PSD4: variants seen among roughly 807,000 people sequenced by gnomAD.
PSD4 encodes pleckstrin and Sec7 domain containing 4, also known as PH and SEC7 domain-containing protein 4.
A neutral mutation model predicts 112.5 loss-of-function variants in PSD4; 59 were observed. The ratio of observed to expected loss-of-function variants is 0.52; its 90% confidence interval spans 0.43 to 0.65. The LOEUF is 0.65. Ranked by LOEUF, PSD4 falls within the 30% of genes least tolerant of loss-of-function variation. The pLI is 0.00. For missense variants in PSD4, 1,267 were observed against 1,352.6 expected (o/e 0.94, Z 0.99); for synonymous variants, 533 against 540.0 (o/e 0.99, Z 0.18).
intron 12 of PSD4, chr2:113,197,097 G>C (rs1189835709): frequency 4.5e-6 from 1 of 220,520 alleles, no homozygotes; most frequent in African/African-American, 2.3e-5. Flanking sequence ...GGGGAAAAGA[G>C]GGCAGGTGGT....
rs565096940 is a variant in PSD4 at position 113,196,062 on chromosome 2, G to A, written c.2226-85G>A. 1.9e-4 allele frequency: 285 copies of A among 1,494,260 alleles called. 1 individual carries two copies. The South Asian group carries it at 3.4e-3, about 18-fold the overall frequency. The allele number at this position is 1,494,260 out of a possible 1,614,324, so 92.6% of individuals were successfully genotyped here. A position where few individuals can be genotyped will look rare whatever the true frequency, so the allele number is the denominator to read the frequency against. On this transcript the variant is annotated intron_variant, in intron 11 of 16. Coordinates refer to ENST00000245796, the MANE Select transcript of PSD4 (RefSeq NM_012455.3). ...GGGTGTGGCTTCCCAGGAAAAGAGAGGTTGCTAAGGCTCTGGGAGGCAATG... is the reference window on the plus strand; with the variant it reads ...GGGTGTGGCTTCCCAGGAAAAGAGAAGTTGCTAAGGCTCTGGGAGGCAATG...
Position 113,182,898 on chromosome 2 carries a change from C to G in PSD4, c.442C>G (p.Arg148Gly), listed in dbSNP as rs760622330. 5 of 1,614,088 alleles carry G rather than the reference C, an allele frequency of 3.1e-6. No homozygotes were observed. The highest frequency in any genetic ancestry group is 2.2e-5 in the East Asian group (1 of 44,884). The change falls in exon 2 of 17, where the codon CGG becomes GGG. Residue 148 changes from arginine to glycine, a missense_variant. By Grantham distance (125) the Arg-to-Gly change is moderately radical. Coordinates refer to ENST00000245796, the MANE Select transcript of PSD4 (RefSeq NM_012455.3). The part of the protein sequence containing the change: ...SHLPGSPKQN[R>G]STSTQVVFWA... ...TCTACCGGGGAGCCCAAAGCAGAAC[C>G]GGAGCACGTCCACACAGGTAGTGTT...
rs779250912 is a variant in PSD4 at position 113,185,398 on chromosome 2, G to T, written c.1207G>T (p.Gly403Cys). 11 of 1,614,176 alleles carry T rather than the reference G, an allele frequency of 6.8e-6. No individual in the cohort carries two copies. The highest frequency in any genetic ancestry group is 9.3e-6 in the Non-Finnish European group (11 of 1,180,042). ...SLSPEGWQRG[G>C]PFWPQVTLNS... The stretch of plus-strand genomic sequence containing the variant: ...CAGCCCTGAGGGCTGGCAGAGAGGA[G>T]GTCCTTTTTGGCCCCAGGTGACTCT... The change falls in exon 4 of 17, where the codon GGT becomes TGT. Residue 403 changes from glycine to cysteine, a missense_variant. By Grantham distance (159) the Gly-to-Cys change is radical (BLOSUM62 -3). This residue lies in a region of PSD4 where 723 missense variants were observed against 704.0 expected (regional missense o/e 1.03). Transcript: ENST00000245796.
At chr2:113,192,353 C>G in intron 5 of PSD4, 27 bp from the exon 6 acceptor site, 2 of 1,607,472 alleles carry the variant, frequency 1.2e-6, no homozygotes, top group Non-Finnish European at 1.7e-6. Context: ...AACACTTGAC[C>G]CAGAGCTCCT....
rs1688870809 is a variant in PSD4, at chr2:113,206,940, T to A, written c.*5525T>A. On this transcript the variant is annotated 3_prime_UTR_variant, in exon 17 of 17. Coordinates refer to ENST00000245796, the MANE Select transcript of PSD4 (RefSeq NM_012455.3). ...AATAGCTGAATAATCTGTATCCAGG[T>A]CAGGTGAGGCTTCATCTCGGGCTTC... 6.6e-6 allele frequency: 1 copy of A among 152,150 alleles called. No homozygotes were observed. The highest frequency in any genetic ancestry group is 1.5e-5 in the Non-Finnish European group (1 of 68,028). The allele number at this position is 152,150 out of a possible 1,614,324, so 9.4% of individuals were successfully genotyped here. A position where few individuals can be genotyped will look rare whatever the true frequency, so the allele number is the denominator to read the frequency against.
chr2:113,182,793 C>G lies in PSD4; in HGVS notation c.337C>G (p.Leu113Val), dbSNP rs767622315. The change falls in exon 2 of 17, where the codon CTC (leucine) becomes GTC (valine). Residue 113 changes from leucine to valine, a missense_variant. By Grantham distance (32) the Leu-to-Val change is conservative. Coordinates refer to ENST00000245796, the MANE Select transcript of PSD4 (RefSeq NM_012455.3). ...DAPPWGSGVELTHLGSPSAQR... is the reference protein window; with the variant it reads ...DAPPWGSGVEVTHLGSPSAQR... ...TCCTCCCTGGGGCTCCGGTGTGGAG[C>G]TCACACACCTGGGGAGCCCCTCTGC... The G allele has an allele frequency of 1.2e-6, 2 of 1,601,312 alleles. No homozygotes were observed. The highest frequency in any genetic ancestry group is 1.7e-6 in the Non-Finnish European group (2 of 1,172,292).
At chr2:113,175,453 T>A (rs1016861828) in intron 1 of PSD4, 3 of 152,214 alleles carry the variant, frequency 2.0e-5, no homozygotes, top group Admixed American at 2.0e-4. Context: ...CTCACGGTGC[T>A]TCAGACCCCA....
chr2:113,190,446 A>T (rs569270486), intron 5 of PSD4, among the ~76,000 whole-genome samples: 9 of 152,058 alleles, frequency 5.9e-5, no homozygotes, highest in Admixed American at 4.6e-4. Flanking sequence ...TATTATTATT[A>T]TTTTTTTGAG....
rs1337501930 is a variant in PSD4 at position 113,199,157 on chromosome 2, G to A, written c.2844G>A (p.Leu948=). 1.3e-6 allele frequency: 2 copies of A among 1,528,338 alleles called. No homozygotes were observed. Among genetic ancestry groups the A allele is most frequent in the African/African-American group, 2.9e-5 (2 of 70,052 alleles). The allele number at this position is 1,528,338 out of a possible 1,614,324, so 94.7% of individuals were successfully genotyped here. A position where few individuals can be genotyped will look rare whatever the true frequency, so the allele number is the denominator to read the frequency against. The change falls in exon 16 of 17, where the codon CTG becomes CTA. Residue 948 remains leucine (L), a synonymous_variant. Coordinates refer to ENST00000245796, the MANE Select transcript of PSD4 (RefSeq NM_012455.3). Reference sequence around the variant, plus strand: ...ACCTGCTGGATCTACAGAGGAACCTGCCGGAGCGGCGGGGCCGTGGCCGCG... The same window carrying A: ...ACCTGCTGGATCTACAGAGGAACCTACCGGAGCGGCGGGGCCGTGGCCGCG... ...ADDLLDLQRN[L]PERRGRGREL...
Position 113,193,279 on chromosome 2 carries a change from G to A in PSD4, c.1941G>A (p.Val647=), listed in dbSNP as rs763766182. 1.3e-6 allele frequency: 2 copies of A among 1,589,598 alleles called. No homozygotes were observed. The highest frequency in any genetic ancestry group is 1.1e-5 in the South Asian group (1 of 87,940). ...RALRSFLQAL[V]LSGETQERER... ...GCAGGAGCTTCCTCCAGGCCTTGGTGCTCAGTGGGGAGACTCAGGAACGGG... is the reference window on the plus strand; with the variant it reads ...GCAGGAGCTTCCTCCAGGCCTTGGTACTCAGTGGGGAGACTCAGGAACGGG... The change falls in exon 8 of 17, where the codon GTG becomes GTA. Residue 647 remains valine, a synonymous_variant. Coordinates refer to ENST00000245796, the MANE Select transcript of PSD4 (RefSeq NM_012455.3).
chr2:113,185,854 C>T, intron 4 of PSD4, 23 bp from the exon 5 acceptor site: 1 of 1,600,538 alleles, frequency 6.2e-7, no homozygotes, highest in Non-Finnish European at 8.5e-7. Flanking sequence ...CCTGTGCCCG[C>T]CTCACTTCAT....
At chr2:113,179,877 C>A (rs574728610) in intron 1 of PSD4, among the ~76,000 whole-genome samples, 3 of 152,238 alleles carry the variant, frequency 2.0e-5, no homozygotes, top group East Asian at 3.9e-4. Context: ...GGGACCATTC[C>A]GGGTGGGCTG....
intron 1 of PSD4, among the ~76,000 whole-genome samples, chr2:113,181,007 C>T (rs569060265): frequency 9.4e-4 from 142 of 151,192 alleles, no homozygotes; most frequent in Middle Eastern, 6.8e-3. Context: ...CACTTGAGGT[C>T]AGGAGTTCGA....
In PSD4 at chr2:113,186,001, C is replaced by A. The variant is rs1338801731; in HGVS notation, c.1374C>A (p.Pro458=). The A allele has an allele frequency of 4.3e-6, 7 of 1,614,058 alleles. No individual in the cohort carries two copies. The highest frequency in any genetic ancestry group is 5.9e-6 in the Non-Finnish European group (7 of 1,179,998). ...AATCTGAGAGCAGAGGCCCTGGTCCCAGGCCCAGCCCTGCATCGTCCCAGG... is the reference window on the plus strand; with the variant it reads ...AATCTGAGAGCAGAGGCCCTGGTCCAAGGCCCAGCCCTGCATCGTCCCAGG... ...SPESESRGPG[P]RPSPASSQEG... is the part of the protein sequence containing the mutation. The change falls in exon 5 of 17, where the codon CCC becomes CCA. Residue 458 remains proline (P), a synonymous_variant. Coordinates refer to ENST00000245796, the MANE Select transcript of PSD4 (RefSeq NM_012455.3).
Position 113,182,633 on chromosome 2 carries a change from C to T in PSD4, c.177C>T (p.Thr59=). The T allele has an allele frequency of 1.2e-6, 2 of 1,613,970 alleles. No individual in the cohort carries two copies. Among genetic ancestry groups the T allele is most frequent in the Non-Finnish European group, 1.7e-6 (2 of 1,179,934 alleles). Residue 59 remains threonine, a synonymous_variant, in exon 2 of 17, where the codon ACC becomes ACT. Coordinates refer to ENST00000245796, the MANE Select transcript of PSD4 (RefSeq NM_012455.3). ...GGGCCACTGACCCTCCTGAACCTAC[C>T]AGACAAAATGTTCCTCCCTGGGGCT... is the stretch of plus-strand genomic sequence containing the variant. ...QTWATDPPEP[T]RQNVPPWGSG...
In PSD4 at chr2:113,184,900, T is replaced by A. The variant is rs1356970726; in HGVS notation, c.1057-57T>A. The A allele has an allele frequency of 6.9e-6, 11 of 1,604,808 alleles. No individual in the cohort carries two copies. In the Admixed American group the frequency reaches 8.4e-5, roughly 12 times the overall value. ...ATTTGAGAAAGGCCCTGGGAGCAAT[T>A]TTCCTCTAGTCACCTCTCCTCTCCT... On this transcript the variant is annotated intron_variant, in intron 2 of 16. Transcript: ENST00000245796.
chr2:113,182,349 A>C lies in PSD4; in HGVS notation c.-108A>C. The C allele has an allele frequency of 9.3e-7, 1 of 1,074,224 alleles. No individual in the cohort carries two copies. Among genetic ancestry groups the C allele is most frequent in the Non-Finnish European group, 1.4e-6 (1 of 740,576 alleles). 66.5% of individuals were successfully genotyped at this position (1,074,224 alleles called of 1,614,324 possible). A position where few individuals can be genotyped will look rare whatever the true frequency, so the allele number is the denominator to read the frequency against. ...CACTTGCTTTGGGCATTTCCAGGGT[A>C]GATATGGATTCCCAGTTTCTCCAGC... On this transcript the variant is annotated 5_prime_UTR_variant, in exon 2 of 17. Coordinates refer to ENST00000245796, the MANE Select transcript of PSD4 (RefSeq NM_012455.3).
At chr2:113,175,708 C>T (rs1046722566) in intron 1 of PSD4, among the ~76,000 whole-genome samples, 1 of 152,214 alleles carries the variant, frequency 6.6e-6, no homozygotes. Flanking sequence ...GAAACAGAGA[C>T]AGGCACCCTC....
rs368993593 is a variant in PSD4 at position 113,183,311 on chromosome 2, G to A, written c.855G>A (p.Ala285=). Residue 285 remains alanine, a synonymous_variant, in exon 2 of 17, where the codon GCG becomes GCA. Transcript: ENST00000245796. ...AGVRTGPESP[A]TLEPPLPEDT... ...TGAGGACTGGACCTGAGAGCCCAGC[G>A]ACTCTGGAGCCTCCCCTCCCAGAAG... 1.4e-5 allele frequency: 23 copies of A among 1,609,582 alleles called. No homozygotes were observed. Among genetic ancestry groups the A allele is most frequent in the South Asian group, 5.5e-5 (5 of 90,728 alleles).
Sources: allele counts gnomAD v4.1 joint callset (sites outside exome capture counted in the v4.1 genomes callset), GRCh38; gene constraint gnomAD v4.1.1; regional missense constraint gnomAD v4.1.1; transcripts MANE v1.5; gene names NCBI Gene and HGNC (gene_info 2026-07-23, HGNC 2026-07-21).